The following GRM3 variants were observed in gnomAD, a reference collection of about 807,000 sequenced individuals.
The protein encoded by GRM3 is metabotropic glutamate receptor 3.
Under a neutral mutation model 70.5 loss-of-function variants are expected in GRM3, and 26 were observed. The observed-to-expected ratio is 0.37, with a 90% confidence interval of 0.27 to 0.51. GRM3 has a LOEUF of 0.51. Among genes scored for constraint, GRM3 ranks in the 20% least tolerant of loss-of-function variants. The probability of loss-of-function intolerance (pLI) is 0.93; values close to 1 mark genes in which losing one functional copy is unlikely to be tolerated. For synonymous variants in GRM3, 443 were observed against 434.9 expected (o/e 1.02, Z -0.23); for missense variants, 859 against 1,123.8 (o/e 0.76, Z 3.37).
At chr7:86,802,926 T>G (rs961743481) in intron 3 of GRM3, among the ~76,000 whole-genome samples, 1 of 152,194 alleles carries the variant, frequency 6.6e-6, no homozygotes, top group Non-Finnish European at 1.5e-5. Context: ...ATTAATACCT[T>G]CATAAGTTAG....
chr7:86,753,115 C>T lies in GRM3; in HGVS notation c.-140-11891C>T, dbSNP rs369466108. Among the ~76,000 whole-genome samples, 3 of 152,042 alleles carry T rather than the reference C, an allele frequency of 2.0e-5. No individual in the cohort carries two copies. The East Asian group carries it at 5.8e-4, about 29-fold the overall frequency. ...GCCAGCAGTTCCCCAAGATCACACA[C>T]CACCTTACACCTCAATGAGAAGAAA... On this transcript the variant is annotated intron_variant, in intron 1 of 5. Coordinates refer to ENST00000361669, the MANE Select transcript of GRM3 (RefSeq NM_000840.3).
intron 1 of GRM3, among the ~76,000 whole-genome samples, chr7:86,665,782 T>C (rs1794009873): frequency 6.6e-6 from 1 of 152,064 alleles, no homozygotes; most frequent in South Asian, 2.1e-4. Context: ...GAAAATTTCC[T>C]GGCTTCTTTT....
At chr7:86,819,841 C>A (rs1255967334) in intron 3 of GRM3, among the ~76,000 whole-genome samples, 1 of 152,142 alleles carries the variant, frequency 6.6e-6, no homozygotes, top group Non-Finnish European at 1.5e-5. Context: ...ACAGAAGGTA[C>A]TGTGAGATCA....
At chr7:86,649,470 A>G (rs1284745807) in intron 1 of GRM3, among the ~76,000 whole-genome samples, 2 of 152,158 alleles carry the variant, frequency 1.3e-5, no homozygotes, top group African/African-American at 4.8e-5. Context: ...AGATTAAGGC[A>G]CCAGTTTGAA....
chr7:86,685,605 T>C (rs1794544460), intron 1 of GRM3, among the ~76,000 whole-genome samples: 1 of 152,100 alleles, frequency 6.6e-6, no homozygotes, highest in African/African-American at 2.4e-5. Context: ...AGTTTCCTTA[T>C]CTATAAAGGT....
At chr7:86,793,060 C>T (rs1207335071) in intron 3 of GRM3, among the ~76,000 whole-genome samples, 2 of 125,514 alleles carry the variant, frequency 1.6e-5, no homozygotes, top group Non-Finnish European at 3.2e-5. Flanking sequence ...AAGAGACAGA[C>T]TACTGGGATC....
chr7:86,790,468 C>T (rs1797381764), intron 3 of GRM3, among the ~76,000 whole-genome samples: 1 of 152,128 alleles, frequency 6.6e-6, no homozygotes, highest in African/African-American at 2.4e-5. Flanking sequence ...TCAACCTAGC[C>T]TCCACAATCT....
At chr7:86,793,656 C>T (rs1243433912) in intron 3 of GRM3, among the ~76,000 whole-genome samples, 2 of 152,142 alleles carry the variant, frequency 1.3e-5, no homozygotes, top group South Asian at 2.1e-4. Flanking sequence ...GTTTATGCAC[C>T]GTGCATCTGT....
chr7:86,810,926 A>C (rs887632065), intron 3 of GRM3, among the ~76,000 whole-genome samples: 1 of 151,984 alleles, frequency 6.6e-6, no homozygotes, highest in Non-Finnish European at 1.5e-5. Flanking sequence ...ATCACCATGG[A>C]TCATTTTTCC....
At chr7:86,785,685 ATTTTTT>A (rs749456155) in intron 2 of GRM3, among the ~76,000 whole-genome samples, 7,204 of 65,582 alleles carry the variant, frequency 0.11, 679 homozygotes, top group African/African-American at 0.21. Flanking sequence ...AATAGAATTG[ATTTTTT>A]TTTTTTTTTT....
chr7:86,654,090 C>T (rs1793673186), intron 1 of GRM3, among the ~76,000 whole-genome samples: 2 of 152,150 alleles, frequency 1.3e-5, no homozygotes, highest in East Asian at 1.9e-4. Flanking sequence ...TAGCTAAAGC[C>T]GGCAATCCTC....
intron 3 of GRM3, among the ~76,000 whole-genome samples, chr7:86,835,896 G>A (rs909508950): frequency 1.3e-5 from 2 of 152,114 alleles, no homozygotes; most frequent in Admixed American, 1.3e-4. Context: ...ACAGATATGA[G>A]CCATCACACC....
chr7:86,790,011 T>C (rs1797366121), intron 3 of GRM3, among the ~76,000 whole-genome samples: 1 of 152,204 alleles, frequency 6.6e-6, no homozygotes, highest in Non-Finnish European at 1.5e-5. Flanking sequence ...CATCTCCTGC[T>C]GTACACTCCA....
chr7:86,778,286 A>C (rs1256689250), intron 2 of GRM3, among the ~76,000 whole-genome samples: 1 of 152,328 alleles, frequency 6.6e-6, no homozygotes, highest in South Asian at 2.1e-4. Context: ...ATAGATCCTC[A>C]TAAAACTATT....
intron 1 of GRM3, among the ~76,000 whole-genome samples, chr7:86,683,549 T>C (rs1794491293): frequency 6.6e-6 from 1 of 152,122 alleles, no homozygotes; most frequent in African/African-American, 2.4e-5. Flanking sequence ...CACTGAGGAC[T>C]CCACTTTCTT....
intron 2 of GRM3, among the ~76,000 whole-genome samples, chr7:86,767,515 A>ATT (rs1796631272): frequency 2.5e-3 from 1 of 396 alleles, no homozygotes; most frequent in African/African-American, 0.024. Context: ...GTCATACTTC[A>ATT]TATATATATA....
At chr7:86,785,390 T>C (rs912262542) in intron 2 of GRM3, among the ~76,000 whole-genome samples, 1 of 152,166 alleles carries the variant, frequency 6.6e-6, no homozygotes, top group African/African-American at 2.4e-5. Context: ...CTACAATAAA[T>C]AAAAATGATA....
intron 1 of GRM3, among the ~76,000 whole-genome samples, chr7:86,748,657 AAACAAAAATTTAGT>A (rs1384949325): frequency 2.0e-5 from 3 of 152,054 alleles, no homozygotes; most frequent in Non-Finnish European, 4.4e-5. Context: ...CATATTTTAA[AAACAAAAATTTAGT>A]TACAGTGCAG....
chr7:86,714,559 T>A (rs1414219425), intron 1 of GRM3, among the ~76,000 whole-genome samples: 1 of 151,980 alleles, frequency 6.6e-6, no homozygotes, highest in East Asian at 1.9e-4. Flanking sequence ...GTCCAGAATA[T>A]AATACATCTT....
Sources: gnomAD v4.1 joint callset for allele counts (sites outside exome capture counted in the v4.1 genomes callset) on GRCh38, gnomAD v4.1.1 for gene constraint, MANE v1.5 for transcripts, NCBI Gene and HGNC (gene_info 2026-07-23, HGNC 2026-07-21) for gene names.